Variants in RASGEF1B observed in about 807,000 individuals in gnomAD.
RASGEF1B encodes ras-GEF domain-containing family member 1B.
Under a neutral mutation model 65.7 loss-of-function variants are expected in RASGEF1B, and 30 were observed. The observed-to-expected ratio is 0.46, with a 90% CI of 0.34 to 0.62. The LOEUF (loss-of-function observed/expected upper bound fraction) is 0.62, where lower values mean the gene tolerates loss of function less well. RASGEF1B is among the 20% of genes least tolerant of loss of function. The pLI, the probability that RASGEF1B is intolerant of heterozygous loss-of-function variation, is 0.01. For missense variants in RASGEF1B, 495 were observed against 580.1 expected (o/e 0.85, Z 1.51); for synonymous variants, 175 against 194.8 (o/e 0.90, Z 0.85).
In RASGEF1B at chr4:81,447,816, C is replaced by T. The variant is rs1048981402; in HGVS notation, c.655-238G>A. On this transcript the variant is annotated intron_variant, in intron 5 of 13. Coordinates refer to ENST00000264400, the MANE Select transcript of RASGEF1B (RefSeq NM_152545.3). Reference sequence around the variant, plus strand: ...AGGTTTTGGAAAAACTGATTAGAGGCGGAAGGTGAGGAAAGTCAATAAACT... The same window carrying T: ...AGGTTTTGGAAAAACTGATTAGAGGTGGAAGGTGAGGAAAGTCAATAAACT... Among the ~76,000 whole-genome samples the T allele has an allele frequency of 6.6e-5, 10 of 152,144 alleles. No homozygotes were observed. In the South Asian group the frequency reaches 1.0e-3, roughly 16 times the overall value.
chr4:81,445,948 T>G, intron 6 of RASGEF1B, 110 bp from the exon 7 acceptor site: 1 of 729,110 alleles, frequency 1.4e-6, no homozygotes, highest in Non-Finnish European at 2.3e-6. Flanking sequence ...TAGGAAAGCT[T>G]TTGAGAACAA....
At chr4:81,429,115 G>T (rs1303922649) in intron 13 of RASGEF1B, among the ~76,000 whole-genome samples, 1 of 151,936 alleles carries the variant, frequency 6.6e-6, no homozygotes, top group African/African-American at 2.4e-5. Flanking sequence ...CATAGCAATA[G>T]AGAAAACCAC....
intron 1 of RASGEF1B, among the ~76,000 whole-genome samples, chr4:81,462,177 C>G (rs909012829): frequency 1.3e-5 from 2 of 152,178 alleles, no homozygotes; most frequent in African/African-American, 4.8e-5. Flanking sequence ...TTTTGCTTAT[C>G]CCTTCCAAAA....
intron 6 of RASGEF1B, among the ~76,000 whole-genome samples, chr4:81,446,405 G>A (rs1007546142): frequency 6.6e-6 from 1 of 152,122 alleles, no homozygotes; most frequent in Non-Finnish European, 1.5e-5. Context: ...CTCTTCCCAA[G>A]ATACTAAGTT....
At position 81,447,412 on chromosome 4, in the gene RASGEF1B, T is replaced by A. The variant is rs1722064630; in HGVS notation, c.729+92A>T. 10 of 934,202 alleles carry A rather than the reference T, an allele frequency of 1.1e-5. No homozygotes were observed. The South Asian group carries it at 1.5e-4, about 14-fold the overall frequency. 57.9% of individuals were successfully genotyped at this position (934,202 alleles called of 1,614,324 possible). ...TCTGATTTTAAAATCTACAACAGAA[T>A]ATAGTTCTAACTTCCGTCCTTTATA... On this transcript the variant is annotated intron_variant, in intron 6 of 13. Transcript: ENST00000264400.
chr4:81,467,426 T>C (rs906784421), intron 1 of RASGEF1B, among the ~76,000 whole-genome samples: 4 of 152,196 alleles, frequency 2.6e-5, no homozygotes, highest in Admixed American at 1.3e-4. Flanking sequence ...GCACATAACC[T>C]GGAGAGTCAA....
chr4:81,431,042 T>C (rs1039795780), intron 13 of RASGEF1B, among the ~76,000 whole-genome samples: 3 of 151,944 alleles, frequency 2.0e-5, no homozygotes, highest in Non-Finnish European at 4.4e-5. Flanking sequence ...AAAGGAGACA[T>C]ATGGAAGGCA....
At chr4:81,465,737 C>T (rs1722781843) in intron 1 of RASGEF1B, among the ~76,000 whole-genome samples, 1 of 152,110 alleles carries the variant, frequency 6.6e-6, no homozygotes, top group East Asian at 1.9e-4. Flanking sequence ...GCAGGTGCAC[C>T]AGGATAAGGT....
chr4:81,462,837 G>A (rs991255286), intron 1 of RASGEF1B, among the ~76,000 whole-genome samples: 1 of 152,142 alleles, frequency 6.6e-6, no homozygotes, highest in Non-Finnish European at 1.5e-5. Context: ...CTCCATTTGT[G>A]TAATTGTTTA....
chr4:81,467,241 T>C (rs186617193), intron 1 of RASGEF1B, among the ~76,000 whole-genome samples: 1 of 152,360 alleles, frequency 6.6e-6, no homozygotes, highest in Admixed American at 6.5e-5. Context: ...GCTTGATTTG[T>C]CTTAGATGCT....
intron 1 of RASGEF1B, among the ~76,000 whole-genome samples, chr4:81,463,822 C>T (rs1178517416): frequency 6.6e-6 from 1 of 152,150 alleles, no homozygotes; most frequent in Non-Finnish European, 1.5e-5. Flanking sequence ...GTCTTTTATT[C>T]TAACTGCTTC....
At chr4:81,467,557 C>A (rs535750936) in intron 1 of RASGEF1B, among the ~76,000 whole-genome samples, 2 of 152,178 alleles carry the variant, frequency 1.3e-5, no homozygotes, top group Non-Finnish European at 2.9e-5. Flanking sequence ...ATCTTCCATG[C>A]AGTTCCTAAA....
chr4:81,451,255 G>A (rs567462214), intron 4 of RASGEF1B: 1 of 152,264 alleles, frequency 6.6e-6, no homozygotes, highest in South Asian at 2.1e-4. Context: ...CTCAGAAAAC[G>A]CCTGAGTTTT....
chr4:81,456,611 C>CT, intron 4 of RASGEF1B, 40 bp downstream of exon 4: 1 of 1,611,516 alleles, frequency 6.2e-7, no homozygotes, highest in Non-Finnish European at 8.5e-7. Flanking sequence ...CAGGCTCTGC[C>CT]TGGGAATTCC....
chr4:81,430,883 A>G (rs1298524608), intron 13 of RASGEF1B, among the ~76,000 whole-genome samples: 1 of 152,222 alleles, frequency 6.6e-6, no homozygotes, highest in Non-Finnish European at 1.5e-5. Flanking sequence ...TGGAGACCAC[A>G]GGTAATGCAG....
chr4:81,459,451 G>C lies in RASGEF1B; in HGVS notation c.58C>G (p.Leu20Val). 6.2e-7 allele frequency: 1 copy of C among 1,612,390 alleles called. No homozygotes were observed. The highest frequency in any genetic ancestry group is 8.5e-7 in the Non-Finnish European group (1 of 1,179,568). ...CAGCTGTCCTCTGCAGACTGATAGA[G>C]GTTTCGATTGTAACCACTGCTGTCA... ...MFDSSGYNRN[L>V]YQSAEDSCGG... Residue 20 changes from leucine (L) to valine (V), a missense_variant, in exon 2 of 14, where the codon CTC becomes GTC. Leu to Val is a conservative substitution (Grantham distance 32). Coordinates refer to ENST00000264400, the MANE Select transcript of RASGEF1B (RefSeq NM_152545.3).
chr4:81,430,648 G>A (rs1721398940), intron 13 of RASGEF1B, among the ~76,000 whole-genome samples: 1 of 152,170 alleles, frequency 6.6e-6, no homozygotes, highest in Non-Finnish European at 1.5e-5. Context: ...GCATGCCCTG[G>A]GAGGGGCACA....
intron 4 of RASGEF1B, among the ~76,000 whole-genome samples, chr4:81,450,431 TCTC>T (rs1560704194): frequency 6.6e-6 from 1 of 152,112 alleles, no homozygotes; most frequent in Non-Finnish European, 1.5e-5. Flanking sequence ...AGTGGTGTGA[TCTC>T]AGCTCACTGC....
chr4:81,438,777 G>A (rs1721734986), intron 10 of RASGEF1B, among the ~76,000 whole-genome samples: 3 of 146,726 alleles, frequency 2.0e-5, no homozygotes, highest in Admixed American at 7.0e-5. Flanking sequence ...CTGTGTCCAT[G>A]TGTTCTCATT....
Sources: gnomAD v4.1 joint callset for allele counts (sites outside exome capture counted in the v4.1 genomes callset) on GRCh38, gnomAD v4.1.1 for gene constraint, MANE v1.5 for transcripts, NCBI Gene and HGNC (gene_info 2026-07-23, HGNC 2026-07-21) for gene names.